SLC9D1: variants seen among roughly 807,000 people sequenced by gnomAD.
The protein encoded by SLC9D1 is putative LAG1-interacting protein.
chr13:113,492,167 G>T, the SLC9D1 span, among the ~76,000 whole-genome samples: 3 of 152,060 alleles, frequency 2.0e-5, no homozygotes, highest in Non-Finnish European at 2.9e-5. Flanking sequence ...ATAGAGACAG[G>T]GTCTTGCTGT....
chr13:113,546,949 C>CTG, the SLC9D1 span, among the ~76,000 whole-genome samples: 1 of 152,206 alleles, frequency 6.6e-6, no homozygotes, highest in Admixed American at 6.5e-5. The surrounding 1 kb of genome is among the most constrained non-coding windows in gnomAD (Gnocchi z 7.1). Context: ...CACTGTGGGG[C>CTG]TGTGGGCTCT....
the SLC9D1 span, among the ~76,000 whole-genome samples, chr13:113,497,977 A>G: frequency 0.18 from 28,153 of 152,210 alleles, 3,434 homozygotes; most frequent in African/African-American, 0.35. Flanking sequence ...TAGTAGCTCC[A>G]CATTCAGGTC....
chr13:113,526,355 A>T, the SLC9D1 span, among the ~76,000 whole-genome samples: 70 of 152,366 alleles, frequency 4.6e-4, no homozygotes, highest in African/African-American at 1.5e-3. Context: ...TAAAAACCTT[A>T]AAGTTTATAA....
At chr13:113,549,457 C>T in the SLC9D1 span, 14 of 1,614,118 alleles carry the variant, frequency 8.7e-6, no homozygotes, top group Non-Finnish European at 1.1e-5. Flanking sequence ...TGACCACGCT[C>T]AGCCTCTTGC....
At chr13:113,496,664 A>G in the SLC9D1 span, among the ~76,000 whole-genome samples, 2 of 152,248 alleles carry the variant, frequency 1.3e-5, no homozygotes, top group Non-Finnish European at 2.9e-5. Context: ...GTATCACGTC[A>G]TCTTCATAGA....
At chr13:113,510,780 C>T in the SLC9D1 span, among the ~76,000 whole-genome samples, 5 of 152,246 alleles carry the variant, frequency 3.3e-5, no homozygotes, top group Non-Finnish European at 5.9e-5. Context: ...TTAATTCTAG[C>T]AGGCACTGGG....
At chr13:113,517,419 G>C in the SLC9D1 span, among the ~76,000 whole-genome samples, 1 of 152,170 alleles carries the variant, frequency 6.6e-6, no homozygotes, top group South Asian at 2.1e-4. Context: ...TAGTAGAGAC[G>C]GGGTTTCACC....
the SLC9D1 span, among the ~76,000 whole-genome samples, chr13:113,541,419 A>G: frequency 1.4e-5 from 2 of 146,334 alleles, 1 homozygote; most frequent in African/African-American, 5.3e-5. Flanking sequence ...GATCACTGCC[A>G]TGCTTTAATA....
At chr13:113,498,953 A>G in the SLC9D1 span, among the ~76,000 whole-genome samples, 1 of 152,230 alleles carries the variant, frequency 6.6e-6, no homozygotes, top group South Asian at 2.1e-4. Flanking sequence ...TAAAGAAACA[A>G]AACAATGGCA....
At chr13:113,502,903 G>T in the SLC9D1 span, among the ~76,000 whole-genome samples, 144 of 152,344 alleles carry the variant, frequency 9.5e-4, no homozygotes, top group Admixed American at 1.9e-3. Context: ...TGGTGAAGAG[G>T]AGCGCGCCCA....
At chr13:113,549,108 C>T in the SLC9D1 span, among the ~76,000 whole-genome samples, 30,637 of 152,136 alleles carry the variant, frequency 0.2, 3,562 homozygotes, top group Admixed American at 0.3. Flanking sequence ...CCATGCATCA[C>T]TGATCTTGAA....
chr13:113,501,766 A>G, the SLC9D1 span: 1 of 1,609,226 alleles, frequency 6.2e-7, no homozygotes, highest in Non-Finnish European at 8.5e-7. Context: ...TTGTTACCAT[A>G]GGAATGCTGT....
chr13:113,546,114 A>G, the SLC9D1 span, among the ~76,000 whole-genome samples: 4 of 152,048 alleles, frequency 2.6e-5, no homozygotes, highest in Admixed American at 2.6e-4. The surrounding 1 kb of genome is among the most constrained non-coding windows in gnomAD (Gnocchi z 7.1). Flanking sequence ...TGTGCCATAC[A>G]CTGTTGTGAG....
chr13:113,531,250 C>T, the SLC9D1 span, among the ~76,000 whole-genome samples: 1 of 152,212 alleles, frequency 6.6e-6, no homozygotes, highest in African/African-American at 2.4e-5. Flanking sequence ...CACCTGTCCG[C>T]TGGCCAGACA....
At chr13:113,531,519 C>T in the SLC9D1 span, among the ~76,000 whole-genome samples, 1 of 150,720 alleles carries the variant, frequency 6.6e-6, no homozygotes, top group African/African-American at 2.5e-5. Context: ...GACACGGCGC[C>T]CCGTACGTGC....
At chr13:113,548,154 T>G in the SLC9D1 span, 1 of 818,284 alleles carries the variant, frequency 1.2e-6, no homozygotes, top group Non-Finnish European at 1.9e-6. Flanking sequence ...CTTCGGGTGT[T>G]TGGAGTGCTT....
At chr13:113,511,535 C>T in the SLC9D1 span, among the ~76,000 whole-genome samples, 1 of 152,180 alleles carries the variant, frequency 6.6e-6, no homozygotes, top group Non-Finnish European at 1.5e-5. Flanking sequence ...CGGCTTTCTG[C>T]GGGGCCTGAG....
the SLC9D1 span, chr13:113,500,253 C>CTCTGCTAGAAGGA: frequency 1.6e-6 from 1 of 641,444 alleles, no homozygotes; most frequent in Non-Finnish European, 2.4e-6. Context: ...TTCCTTCTAG[C>CTCTGCTAGAAGGA]AGAGATTTTA....
At chr13:113,536,975 G>A in the SLC9D1 span, among the ~76,000 whole-genome samples, 1 of 152,142 alleles carries the variant, frequency 6.6e-6, no homozygotes, top group Non-Finnish European at 1.5e-5. Context: ...CTTGCTCCAG[G>A]AGTGGAGCAT....
Sources: gnomAD v4.1 joint callset for allele counts (sites outside exome capture counted in the v4.1 genomes callset) on GRCh38, gnomAD v4.1.1 for gene constraint, Gnocchi (gnomAD v3.1) non-coding constraint, MANE v1.5 for transcripts, NCBI Gene and HGNC (gene_info 2026-07-23, HGNC 2026-07-21) for gene names.